CCT3: variants seen among roughly 807,000 people sequenced by gnomAD.
The protein encoded by CCT3 is chaperonin containing TCP1 subunit 3, also known as T-complex protein 1 subunit gamma.
Under a neutral mutation model 65.3 loss-of-function variants are expected in CCT3, and 10 were observed. The ratio of observed to expected loss-of-function variants is 0.15; its 90% CI spans 0.09 to 0.26. The LOEUF is 0.26. Among genes scored for constraint, CCT3 ranks in the 10% least tolerant of loss-of-function variants. CCT3 has a pLI of 1.00. For missense variants in CCT3, 626 were observed against 708.7 expected (o/e 0.88, Z 1.33); for synonymous variants, 225 against 242.3 (o/e 0.93, Z 0.66).
At chr1:156,310,729 C>A (rs757334410) in intron 12 of CCT3, 40 bp from the exon 13 acceptor site, 24 of 1,606,292 alleles carry the variant, frequency 1.5e-5, no homozygotes, top group Middle Eastern at 1.7e-4. Context: ...AATAAGTTAA[C>A]AGGAAACATC....
chr1:156,335,833 A>T lies in CCT3; in HGVS notation c.87T>A (p.Ala29=). Residue 29 remains alanine, a synonymous_variant, in exon 2 of 14, where the codon GCT becomes GCA. Coordinates refer to ENST00000295688, the MANE Select transcript of CCT3 (RefSeq NM_005998.5). The part of the protein sequence containing the change: ...GRKVQSGNIN[A]AKTIADIIRT... ...CACTTAAAAGATTTGTGACCTTGGC[A>T]GCATTGATGTTTCCAGATTGAACTT... 1 of 1,613,810 alleles carries T rather than the reference A, an allele frequency of 6.2e-7. No homozygotes were observed. Among genetic ancestry groups the T allele is most frequent in the Non-Finnish European group, 8.5e-7 (1 of 1,179,732 alleles).
chr1:156,313,350 G>GGAAAAAAAAAAAAAA (rs570894422), intron 10 of CCT3, among the ~76,000 whole-genome samples: 2 of 106,752 alleles, frequency 1.9e-5, no homozygotes, highest in Non-Finnish European at 3.9e-5. Context: ...AAAAAAAAAA[G>GGAAAAAAAAAAAAAA]AAAAAAAAAA....
At position 156,331,246 on chromosome 1, in the gene CCT3, T is replaced by C. The variant is rs969302101; in HGVS notation, c.304+2301A>G. ...ACTCCATCTCAAAAAGAAAAACACT[T>C]TGGGAGGCTGAGGCAGGAGATTGCT... On this transcript the variant is annotated intron_variant, in intron 5 of 13. Coordinates refer to ENST00000295688, the MANE Select transcript of CCT3 (RefSeq NM_005998.5). Among the ~76,000 whole-genome samples, 6 of 151,774 alleles carry C rather than the reference T, an allele frequency of 4.0e-5. No homozygotes were observed. In the South Asian group the frequency reaches 1.0e-3, roughly 26 times the overall value.
At chr1:156,331,391 A>T (rs1235958553) in intron 5 of CCT3, among the ~76,000 whole-genome samples, 1 of 152,156 alleles carries the variant, frequency 6.6e-6, no homozygotes, top group Non-Finnish European at 1.5e-5. Flanking sequence ...ACTATAAATT[A>T]GCATCCCTTG....
Position 156,317,490 on chromosome 1 carries a change from C to T in CCT3, c.817G>A (p.Glu273Lys). The change falls in exon 9 of 14, where the codon GAG becomes AAG. Residue 273 changes from glutamate (E) to lysine (K), a missense_variant. Glu to Lys is a moderately conservative substitution (Grantham distance 56). Transcript: ENST00000295688. The stretch of plus-strand genomic sequence containing the variant: ...TCCTCACAGAGCTGCTGGATGTACT[C>T]TTCCTCCATCTGGAGAATTCGGGTG... ...DFTRILQMEE[E>K]YIQQLCEDII... 6.2e-7 allele frequency: 1 copy of T among 1,613,962 alleles called. No homozygotes were observed. The highest frequency in any genetic ancestry group is 8.5e-7 in the Non-Finnish European group (1 of 1,179,858).
chr1:156,319,199 G>A (rs1355145408), intron 7 of CCT3, among the ~76,000 whole-genome samples, 182 bp from the exon 8 acceptor site: 3 of 149,086 alleles, frequency 2.0e-5, no homozygotes, highest in Non-Finnish European at 4.4e-5. Flanking sequence ...TGCAAGCTCC[G>A]CCTCCCGGGT....
intron 6 of CCT3, among the ~76,000 whole-genome samples, chr1:156,323,183 G>C (rs915485901): frequency 1.3e-5 from 2 of 151,204 alleles, no homozygotes; most frequent in Admixed American, 1.3e-4. Flanking sequence ...GCACATGCCT[G>C]TAATCCCAGC....
Position 156,311,120 on chromosome 1 carries a change from C to T in CCT3, c.1231G>A (p.Gly411Ser). Residue 411 changes from glycine to serine, a missense_variant, in exon 12 of 14, where the codon GGT (glycine) becomes AGT (serine). Coordinates refer to ENST00000295688, the MANE Select transcript of CCT3 (RefSeq NM_005998.5). ...VLLDPQLVPG[G>S]GASEMAVAHA... is the part of the protein sequence containing the mutation. ...GCCACAGCCATCTCGGAGGCCCCACCCCCTGGCACCAGCTGAGGGTCCAGG... is the reference window on the plus strand; with the variant it reads ...GCCACAGCCATCTCGGAGGCCCCACTCCCTGGCACCAGCTGAGGGTCCAGG... 6.2e-7 allele frequency: 1 copy of T among 1,614,144 alleles called. No homozygotes were observed. The highest frequency in any genetic ancestry group is 8.5e-7 in the Non-Finnish European group (1 of 1,180,032).
At chr1:156,332,906 A>G (rs1665164941) in intron 5 of CCT3, 1 of 154,186 alleles carries the variant, frequency 6.5e-6, no homozygotes, top group Non-Finnish European at 1.4e-5. Flanking sequence ...AATAAGGTAT[A>G]TATTTATCAG....
chr1:156,316,216 C>A (rs1479748242), intron 10 of CCT3, among the ~76,000 whole-genome samples: 1 of 152,006 alleles, frequency 6.6e-6, no homozygotes, highest in Non-Finnish European at 1.5e-5. Context: ...CTATATTAGG[C>A]ATTATAAGCA....
intron 8 of CCT3, among the ~76,000 whole-genome samples, chr1:156,317,882 T>C (rs1664377778): frequency 6.6e-6 from 1 of 152,030 alleles, no homozygotes; most frequent in African/African-American, 2.4e-5. Context: ...CTAACTTTTT[T>C]TTTGTATTTT....
chr1:156,313,109 C>T (rs953048725), intron 10 of CCT3, among the ~76,000 whole-genome samples: 3 of 151,862 alleles, frequency 2.0e-5, no homozygotes, highest in Admixed American at 6.6e-5. Flanking sequence ...TTTGGAAGGC[C>T]GAGGTGGGTG....
At position 156,317,473 on chromosome 1, in the gene CCT3, G is replaced by A. The variant is rs775129525; in HGVS notation, c.834C>T (p.Leu278=). ...LQMEEEYIQQ[L]CEDIIQLKPD... is the part of the protein sequence containing the mutation. ...GCTTCAGTTGGATAATGTCCTCACA[G>A]AGCTGCTGGATGTACTCTTCCTCCA... The change falls in exon 9 of 14, where the codon CTC becomes CTT. Residue 278 remains leucine (L), a synonymous_variant. Transcript: ENST00000295688. The A allele has an allele frequency of 5.0e-6, 8 of 1,613,930 alleles. No individual in the cohort carries two copies. Among genetic ancestry groups the A allele is most frequent in the Non-Finnish European group, 6.8e-6 (8 of 1,179,934 alleles).
rs111399880 is a variant in CCT3, at chr1:156,320,432, C to A, written c.609+407G>T. 1.3e-3 allele frequency among the ~76,000 whole-genome samples: 192 copies of A among 152,148 alleles called. 1 individual carries two copies. Among genetic ancestry groups the A allele is most frequent in the African/African-American group, 4.4e-3 (182 of 41,540 alleles). Reference sequence around the variant, plus strand: ...CTCAAAAAAACAAACAAACAAAAAACATACCTTGCTCTGATTTAAAACTAT... The same window carrying A: ...CTCAAAAAAACAAACAAACAAAAAAAATACCTTGCTCTGATTTAAAACTAT... On this transcript the variant is annotated intron_variant, in intron 7 of 13. Transcript: ENST00000295688.
intron 13 of CCT3, 38 bp from the exon 14 acceptor site, chr1:156,309,341 G>T: frequency 7.3e-7 from 1 of 1,366,988 alleles, no homozygotes; most frequent in Non-Finnish European, 1.0e-6. Flanking sequence ...GGTCAGCAGA[G>T]AAGGAAAGGA....
At chr1:156,330,898 T>A (rs1248571222) in intron 5 of CCT3, among the ~76,000 whole-genome samples, 1 of 150,974 alleles carries the variant, frequency 6.6e-6, no homozygotes, top group Non-Finnish European at 1.5e-5. Flanking sequence ...TGGGCGACTC[T>A]GTCTCAAAGA....
chr1:156,310,902 C>A, intron 12 of CCT3, 48 bp downstream of exon 12: 1 of 1,592,486 alleles, frequency 6.3e-7, no homozygotes. Flanking sequence ...TCAGGGCAAA[C>A]ACAGCTTTCC....
chr1:156,311,394 G>C (rs944811923), intron 11 of CCT3, among the ~76,000 whole-genome samples, 199 bp from the exon 12 acceptor site: 4 of 152,196 alleles, frequency 2.6e-5, no homozygotes, highest in Non-Finnish European at 2.9e-5. Context: ...GGATGGCGGG[G>C]AGTGGTATCT....
At chr1:156,309,722 G>T (rs767421525) in intron 13 of CCT3, among the ~76,000 whole-genome samples, 3 of 151,472 alleles carry the variant, frequency 2.0e-5, no homozygotes, top group Non-Finnish European at 4.4e-5. Context: ...CACCATGCCC[G>T]GCCTTTTCAG....
Sources: gnomAD v4.1 joint callset for allele counts (sites outside exome capture counted in the v4.1 genomes callset) on GRCh38, gnomAD v4.1.1 for gene constraint, MANE v1.5 for transcripts, NCBI Gene and HGNC (gene_info 2026-07-23, HGNC 2026-07-21) for gene names.